The following DOCK3 variants were observed in gnomAD, a reference collection of about 807,000 sequenced individuals.
DOCK3 encodes dedicator of cytokinesis protein 3.
A neutral mutation model predicts 265.6 loss-of-function variants in DOCK3; 60 were observed. The ratio of observed to expected loss-of-function variants is 0.23; its 90% confidence interval spans 0.18 to 0.28. DOCK3 has a LOEUF of 0.28. DOCK3 is among the 10% of genes least tolerant of loss of function. DOCK3 has a pLI of 1.00. For missense variants in DOCK3, 1,981 were observed against 2,594.3 expected, an observed-to-expected ratio of 0.76 and a Z score of 5.14; for synonymous variants, 881 against 938.0, an observed-to-expected ratio of 0.94 and a Z score of 1.11.
intron 2 of DOCK3, among the ~76,000 whole-genome samples, chr3:50,799,079 G>A (rs1381529274): frequency 1.3e-5 from 2 of 152,100 alleles, no homozygotes; most frequent in Non-Finnish European, 2.9e-5. Context: ...TTAGTGGTCT[G>A]TGTGTCTGTT....
chr3:50,692,750 CT>C (rs1052400978), intron 1 of DOCK3, among the ~76,000 whole-genome samples: 1 of 152,072 alleles, frequency 6.6e-6, no homozygotes, highest in Non-Finnish European at 1.5e-5. Context: ...GCTGATTTAT[CT>C]TTTTTTGTTT....
rs1553618762 is a variant in DOCK3 at position 51,381,516 on chromosome 3, A to T, written c.6050A>T (p.Glu2017Val). 6.3e-7 allele frequency: 1 copy of T among 1,575,960 alleles called. No individual in the cohort carries two copies. Among genetic ancestry groups the T allele is most frequent in the Non-Finnish European group, 8.6e-7 (1 of 1,162,248 alleles). Residue 2017 changes from glutamate (E) to valine (V), a missense_variant, in exon 53 of 53, where the codon GAG (glutamate) becomes GTG (valine). Glu to Val is a moderately radical substitution (Grantham distance 121, BLOSUM62 -2). Around this residue, in one of 4 missense-constraint regions of DOCK3, gnomAD observed 149 missense variants for 144.7 expected, o/e 1.03. Transcript: ENST00000266037. The surrounding 1 kb of genome is among the most constrained non-coding windows in gnomAD (Gnocchi z 5.6). ...TTGCCTCCTGGGAGCGCTAAGGAGG[A>T]GCAGGCCCGCATGGCCTGGGAGCAC... is the stretch of plus-strand genomic sequence containing the variant. ...APLPPGSAKEEQARMAWEHGR... is the reference protein window; with the variant it reads ...APLPPGSAKEVQARMAWEHGR...
chr3:50,859,221 T>G (rs1181193285), intron 3 of DOCK3, among the ~76,000 whole-genome samples: 1 of 142,984 alleles, frequency 7.0e-6, no homozygotes, highest in East Asian at 2.0e-4. Context: ...TTTTTTTTTT[T>G]TTTTTTTTTT....
At chr3:51,327,571 T>G (rs960278625) in intron 32 of DOCK3, among the ~76,000 whole-genome samples, 11 of 152,186 alleles carry the variant, frequency 7.2e-5, no homozygotes, top group African/African-American at 2.2e-4. Flanking sequence ...TGCATTGATA[T>G]TCAGTGTCCC....
At chr3:51,095,879 ATGTTG>A (rs2082833155) in intron 9 of DOCK3, among the ~76,000 whole-genome samples, 1 of 123,422 alleles carries the variant, frequency 8.1e-6, no homozygotes, top group East Asian at 2.5e-4. Flanking sequence ...AAAAAAAAGA[ATGTTG>A]ACTATTGGCC....
At chr3:51,208,734 A>T in intron 12 of DOCK3, 40 bp from the exon 13 acceptor site, 1 of 1,542,886 alleles carries the variant, frequency 6.5e-7, no homozygotes, top group Non-Finnish European at 8.8e-7. Context: ...CCAGTTGTTT[A>T]AAATACTTGA....
In DOCK3 at chr3:51,311,501, A is replaced by G. The variant is rs528747619; in HGVS notation, c.3018-503A>G. 3.9e-5 allele frequency among the ~76,000 whole-genome samples: 6 copies of G among 152,238 alleles called. No homozygotes were observed. The South Asian group carries it at 1.2e-3, about 32-fold the overall frequency. On this transcript the variant is annotated intron_variant, in intron 28 of 52. Coordinates refer to ENST00000266037, the MANE Select transcript of DOCK3 (RefSeq NM_004947.5). Reference sequence around the variant, plus strand: ...AAAGAGCTGAATTCAAATGACACATAGATGAAAATAATAGTATATGACAAA... The same window carrying G: ...AAAGAGCTGAATTCAAATGACACATGGATGAAAATAATAGTATATGACAAA...
At chr3:50,689,900 A>G (rs759564083) in intron 1 of DOCK3, among the ~76,000 whole-genome samples, 3 of 151,826 alleles carry the variant, frequency 2.0e-5, no homozygotes, top group Non-Finnish European at 2.9e-5. Context: ...ACTTGGAAAT[A>G]TTTCTCCCAT....
chr3:50,883,572 TTTTGA>T (rs1487401600), intron 3 of DOCK3, among the ~76,000 whole-genome samples: 2 of 152,150 alleles, frequency 1.3e-5, no homozygotes, highest in African/African-American at 4.8e-5. Flanking sequence ...TCTGAAAATG[TTTTGA>T]TTTGTCTTCC....
At chr3:51,213,334 A>T (rs984008239) in intron 13 of DOCK3, among the ~76,000 whole-genome samples, 1 of 152,138 alleles carries the variant, frequency 6.6e-6, no homozygotes, top group African/African-American at 2.4e-5. Flanking sequence ...CTAATTCCAT[A>T]CAGGCTTGAC....
chr3:50,886,264 G>A (rs779906988), intron 3 of DOCK3, among the ~76,000 whole-genome samples: 119 of 150,180 alleles, frequency 7.9e-4, no homozygotes, highest in Non-Finnish European at 1.2e-3. Flanking sequence ...TGAAAAGTAT[G>A]TTTATTTCAT....
intron 1 of DOCK3, among the ~76,000 whole-genome samples, chr3:50,679,004 G>A (rs1469495237): frequency 6.6e-6 from 1 of 152,068 alleles, no homozygotes; most frequent in East Asian, 1.9e-4. Flanking sequence ...TAGTAGAGAT[G>A]AGGTTTCACC....
At chr3:51,330,100 G>GGTTTATGAA (rs778990970) in intron 32 of DOCK3, 38 bp from the exon 33 acceptor site, 49 of 1,557,452 alleles carry the variant, frequency 3.1e-5, no homozygotes, top group Non-Finnish European at 4.2e-5. Flanking sequence ...CTTTTTCTGA[G>GGTTTATGAA]GTCATCTCAG....
At chr3:51,139,262 G>C (rs1488141268) in intron 9 of DOCK3, among the ~76,000 whole-genome samples, 5 of 139,368 alleles carry the variant, frequency 3.6e-5, no homozygotes, top group South Asian at 4.2e-4. Context: ...AGTGGGGGGA[G>C]GGCTAAGATG....
chr3:50,968,376 T>A, intron 5 of DOCK3, among the ~76,000 whole-genome samples: 1 of 152,210 alleles, frequency 6.6e-6, no homozygotes, highest in East Asian at 1.9e-4. Context: ...GTGAAGTTGT[T>A]TTCCATGGAT....
intron 12 of DOCK3, among the ~76,000 whole-genome samples, chr3:51,192,744 G>A (rs1387882644): frequency 2.0e-5 from 3 of 152,114 alleles, no homozygotes; most frequent in African/African-American, 7.2e-5. Flanking sequence ...AATGGGAAGT[G>A]TGCAGTAGCT....
At chr3:50,971,248 C>T (rs552477725) in intron 5 of DOCK3, among the ~76,000 whole-genome samples, 9 of 151,704 alleles carry the variant, frequency 5.9e-5, no homozygotes, top group Non-Finnish European at 1.3e-4. Context: ...TGTTGTAATG[C>T]TGTTTTTTTA....
intron 1 of DOCK3, among the ~76,000 whole-genome samples, chr3:50,701,617 T>C (rs2036046217): frequency 6.6e-6 from 1 of 152,248 alleles, no homozygotes; most frequent in African/African-American, 2.4e-5. Flanking sequence ...ATTTTTGTTT[T>C]TGTTGCCTGT....
At chr3:51,053,078 G>GATATATATATATATATATATATAT (rs59382660) in intron 5 of DOCK3, among the ~76,000 whole-genome samples, 1 of 43,814 alleles carries the variant, frequency 2.3e-5, no homozygotes, top group Non-Finnish European at 4.2e-5. Flanking sequence ...AAAAGTCAAA[G>GATATATATATATATATATATATAT]ATATATATAT....
Sources: gnomAD v4.1 joint callset for allele counts (sites outside exome capture counted in the v4.1 genomes callset) on GRCh38, gnomAD v4.1.1 for gene constraint, gnomAD v4.1.1 regional missense constraint, Gnocchi (gnomAD v3.1) non-coding constraint, MANE v1.5 for transcripts, NCBI Gene and HGNC (gene_info 2026-07-23, HGNC 2026-07-21) for gene names.